The following HMGCLL1 variants were observed in gnomAD, a reference collection of about 807,000 sequenced individuals.
HMGCLL1 encodes the protein 3-hydroxymethyl-3-methylglutaryl-CoA lyase, cytoplasmic.
Under a neutral mutation model 39.1 loss-of-function variants are expected in HMGCLL1, and 36 were observed. That is an observed-to-expected ratio of 0.92 (90% CI 0.71 to 1.22). HMGCLL1 has a LOEUF of 1.22. Among genes scored for constraint, HMGCLL1 ranks in the 50% most tolerant of loss-of-function variants. The pLI is 0.00. For synonymous variants in HMGCLL1, 149 were observed against 144.0 expected (o/e 1.03, Z -0.25); for missense variants, 451 against 416.5 (o/e 1.08, Z -0.72).
intron 7 of HMGCLL1, among the ~76,000 whole-genome samples, chr6:55,466,297 G>A (rs1764797244): frequency 6.6e-6 from 1 of 152,064 alleles, no homozygotes; most frequent in African/African-American, 2.4e-5. Flanking sequence ...TAACTGAAGG[G>A]AATGAGAGAG....
intron 1 of HMGCLL1, among the ~76,000 whole-genome samples, chr6:55,548,696 T>C (rs1449874357): frequency 6.6e-6 from 1 of 151,700 alleles, no homozygotes; most frequent in East Asian, 1.9e-4. Flanking sequence ...ATTGTTTTAA[T>C]ATAAAACTAC....
At chr6:55,669,539 TA>T in the HMGCLL1 span, among the ~76,000 whole-genome samples, 1 of 151,640 alleles carries the variant, frequency 6.6e-6, no homozygotes, top group African/African-American at 2.4e-5. Context: ...TAGACACCAA[TA>T]ACAAGATAAC....
chr6:55,623,182 A>G, the HMGCLL1 span, among the ~76,000 whole-genome samples: 1 of 151,378 alleles, frequency 6.6e-6, no homozygotes, highest in Non-Finnish European at 1.5e-5. Flanking sequence ...AGTTTTCTTT[A>G]TCTTTTCCCA....
At chr6:55,451,402 C>A (rs1764075084) in intron 7 of HMGCLL1, among the ~76,000 whole-genome samples, 2 of 151,836 alleles carry the variant, frequency 1.3e-5, no homozygotes, top group South Asian at 4.1e-4. Flanking sequence ...GCGGGTGGAT[C>A]ACCTGAGGTC....
chr6:55,493,017 G>A (rs909538621), intron 7 of HMGCLL1, among the ~76,000 whole-genome samples: 24 of 151,136 alleles, frequency 1.6e-4, no homozygotes, highest in East Asian at 3.9e-4. Flanking sequence ...AGCGTAAGCC[G>A]AAGATATGTT....
At chr6:55,650,809 A>G in the HMGCLL1 span, among the ~76,000 whole-genome samples, 1 of 151,966 alleles carries the variant, frequency 6.6e-6, no homozygotes, top group Non-Finnish European at 1.5e-5. Context: ...GCCTCTCCCT[A>G]TGGCTTCCAC....
intron 7 of HMGCLL1, among the ~76,000 whole-genome samples, chr6:55,489,210 G>A (rs1357592657): frequency 6.6e-6 from 1 of 151,958 alleles, no homozygotes; most frequent in African/African-American, 2.4e-5. Flanking sequence ...AAAATAAAAA[G>A]CTTAATGTGT....
At chr6:55,627,758 CT>C in the HMGCLL1 span, among the ~76,000 whole-genome samples, 1 of 145,100 alleles carries the variant, frequency 6.9e-6, no homozygotes, top group Non-Finnish European at 1.5e-5. Context: ...GCTTCCTGCC[CT>C]TGAACATTGG....
intron 5 of HMGCLL1, among the ~76,000 whole-genome samples, chr6:55,505,265 G>A (rs1381138781): frequency 6.6e-6 from 1 of 151,562 alleles, no homozygotes; most frequent in Non-Finnish European, 1.5e-5. Flanking sequence ...GAAACAAAAA[G>A]TATAAGTAAA....
the HMGCLL1 span, among the ~76,000 whole-genome samples, chr6:55,627,464 G>C: frequency 6.6e-6 from 1 of 151,930 alleles, no homozygotes; most frequent in Admixed American, 6.6e-5. Context: ...ATGATCTCAG[G>C]AGATGTGTAT....
At chr6:55,498,189 G>A (rs541853151) in intron 6 of HMGCLL1, among the ~76,000 whole-genome samples, 3 of 152,248 alleles carry the variant, frequency 2.0e-5, no homozygotes, top group Non-Finnish European at 4.4e-5. Context: ...AAGCAAAGGT[G>A]GATCCAGGTT....
At chr6:55,664,259 A>G in the HMGCLL1 span, among the ~76,000 whole-genome samples, 1 of 151,770 alleles carries the variant, frequency 6.6e-6, no homozygotes, top group African/African-American at 2.4e-5. Flanking sequence ...TGAATGCTTC[A>G]TAGTGTCAGT....
At chr6:55,523,310 T>C (rs970410168) in intron 3 of HMGCLL1, among the ~76,000 whole-genome samples, 1 of 151,912 alleles carries the variant, frequency 6.6e-6, no homozygotes, top group Non-Finnish European at 1.5e-5. Flanking sequence ...ATCTAAATAA[T>C]CTAAACAGTC....
At chr6:55,506,379 C>G (rs73746348) in intron 5 of HMGCLL1, among the ~76,000 whole-genome samples, 4 of 137,100 alleles carry the variant, frequency 2.9e-5, no homozygotes, top group Non-Finnish European at 6.4e-5. Flanking sequence ...AATTAAAAGG[C>G]CTCAGCCCCA....
intron 1 of HMGCLL1, among the ~76,000 whole-genome samples, chr6:55,544,405 C>T (rs1173551217): frequency 6.6e-6 from 1 of 152,096 alleles, no homozygotes; most frequent in Non-Finnish European, 1.5e-5. Context: ...TACCTCTGAG[C>T]CGAGTTAAGT....
chr6:55,470,166 C>A (rs544858257), intron 7 of HMGCLL1, among the ~76,000 whole-genome samples: 1 of 151,884 alleles, frequency 6.6e-6, no homozygotes, highest in Non-Finnish European at 1.5e-5. Context: ...CTTGGTTGAA[C>A]CACTGAAACC....
chr6:55,596,457 T>C, the HMGCLL1 span, among the ~76,000 whole-genome samples: 1 of 152,364 alleles, frequency 6.6e-6, no homozygotes, highest in African/African-American at 2.4e-5. Context: ...TGCAGACAGA[T>C]GGTTTTAATG....
the HMGCLL1 span, among the ~76,000 whole-genome samples, chr6:55,633,946 G>A: frequency 1.3e-5 from 2 of 151,962 alleles, no homozygotes; most frequent in East Asian, 1.9e-4. Flanking sequence ...AAATATAAAC[G>A]CATTTTACTT....
At chr6:55,490,938 A>C (rs1171538161) in intron 7 of HMGCLL1, among the ~76,000 whole-genome samples, 1 of 152,132 alleles carries the variant, frequency 6.6e-6, no homozygotes, top group African/African-American at 2.4e-5. Flanking sequence ...ACTTGTAAAA[A>C]ACATATATAA....
Sources: allele counts gnomAD v4.1 joint callset (sites outside exome capture counted in the v4.1 genomes callset), GRCh38; gene constraint gnomAD v4.1.1; transcripts MANE v1.5; gene names NCBI Gene and HGNC (gene_info 2026-07-23, HGNC 2026-07-21).